Variants in RANBP2 observed in about 807,000 individuals in gnomAD.
RANBP2 encodes the protein RAN binding protein 2, also known as E3 SUMO-protein ligase RanBP2.
In RANBP2, 57 loss-of-function variants were observed where a neutral mutation model predicts 303.6. The observed-to-expected ratio is 0.19, with a 90% CI of 0.15 to 0.23. The LOEUF is 0.23. Ranked by LOEUF, RANBP2 falls within the 10% of genes least tolerant of loss-of-function variation. RANBP2 has a pLI of 1.00. For missense variants in RANBP2, 3,138 were observed against 3,780.8 expected (o/e 0.83, Z 4.46); for synonymous variants, 1,167 against 1,301.5 (o/e 0.90, Z 2.23).
At chr2:109,301,976 G>A in the RANBP2 span, among the ~76,000 whole-genome samples, 5 of 152,346 alleles carry the variant, frequency 3.3e-5, no homozygotes, top group East Asian at 5.8e-4. Flanking sequence ...TCCTGGACCT[G>A]TGCTGATTTC....
At chr2:109,615,012 G>C in the RANBP2 span, 1 of 1,545,602 alleles carries the variant, frequency 6.5e-7, no homozygotes. Flanking sequence ...GCCCAGCGAG[G>C]ACCTGGAGCT....
the RANBP2 span, among the ~76,000 whole-genome samples, chr2:109,134,212 G>A: frequency 3.3e-5 from 5 of 152,214 alleles, no homozygotes; most frequent in Non-Finnish European, 7.3e-5. Context: ...ATTTGGGCAA[G>A]TCAGAGAGCT....
chr2:108,773,011 T>C lies in RANBP2; in HGVS notation c.8257T>C (p.Phe2753Leu), dbSNP rs1249952794. Residue 2753 changes from phenylalanine (F) to leucine (L), a missense_variant, in exon 23 of 29, where the codon TTT (phenylalanine) becomes CTT (leucine). Transcript: ENST00000283195. ...TGAAGACAATGGAAATGGGGAGGAC[T>C]TTCAATCAGAGCTTCAAAAAGTTCA... ...TDEDNGNGED[F>L]QSELQKVQEA... 2 of 1,613,558 alleles carry C rather than the reference T, an allele frequency of 1.2e-6. No individual in the cohort carries two copies. Among genetic ancestry groups the C allele is most frequent in the Non-Finnish European group, 8.5e-7 (1 of 1,179,644 alleles).
the RANBP2 span, among the ~76,000 whole-genome samples, chr2:109,643,733 C>G: frequency 2.6e-5 from 4 of 151,804 alleles, no homozygotes; most frequent in African/African-American, 2.4e-5. Flanking sequence ...CCTCTGCACT[C>G]CAGCCTGGGC....
the RANBP2 span, among the ~76,000 whole-genome samples, chr2:109,671,709 A>C: frequency 1.4e-4 from 21 of 152,212 alleles, no homozygotes; most frequent in Non-Finnish European, 2.6e-4. Context: ...AAATTTCATG[A>C]ATCAGGAAGG....
At chr2:109,517,239 C>T in the RANBP2 span, among the ~76,000 whole-genome samples, 3 of 152,184 alleles carry the variant, frequency 2.0e-5, no homozygotes, top group Non-Finnish European at 2.9e-5. Context: ...CAGCATCGCC[C>T]GCCCCCTCCC....
chr2:109,690,409 G>A, the RANBP2 span, among the ~76,000 whole-genome samples: 1 of 152,176 alleles, frequency 6.6e-6, no homozygotes, highest in East Asian at 1.9e-4. Flanking sequence ...TTCCAAAGAA[G>A]GCAATCAGAT....
chr2:109,660,204 G>T, the RANBP2 span, among the ~76,000 whole-genome samples: 1 of 152,064 alleles, frequency 6.6e-6, no homozygotes, highest in Non-Finnish European at 1.5e-5. Flanking sequence ...GACTAGTTGG[G>T]CCAAGTCTTC....
At chr2:109,503,024 G>A in the RANBP2 span, 1 of 152,180 alleles carries the variant, frequency 6.6e-6, no homozygotes, top group Non-Finnish European at 1.5e-5. Flanking sequence ...CGAGAGAGGA[G>A]GAGGTGCAGC....
At chr2:109,017,469 G>A in the RANBP2 span, among the ~76,000 whole-genome samples, 2 of 152,162 alleles carry the variant, frequency 1.3e-5, no homozygotes, top group Non-Finnish European at 2.9e-5. Flanking sequence ...GCGTGGGGTC[G>A]CTCCTGCTCT....
the RANBP2 span, among the ~76,000 whole-genome samples, chr2:108,827,734 T>G: frequency 6.7e-6 from 1 of 150,168 alleles, no homozygotes; most frequent in South Asian, 2.1e-4. Flanking sequence ...GAGAATGGCA[T>G]GAACCCAGGA....
At chr2:109,688,304 CTG>C in the RANBP2 span, among the ~76,000 whole-genome samples, 5 of 152,148 alleles carry the variant, frequency 3.3e-5, no homozygotes, top group Admixed American at 3.3e-4. Context: ...GCTGTATAGA[CTG>C]GGCCTCGTTC....
chr2:109,064,479 A>C, the RANBP2 span, among the ~76,000 whole-genome samples: 346 of 140,992 alleles, frequency 2.5e-3, no homozygotes, highest in African/African-American at 6.2e-3. Flanking sequence ...AAACAAAAAC[A>C]AACTGGTAAA....
chr2:108,963,140 T>C, the RANBP2 span, among the ~76,000 whole-genome samples: 1 of 152,170 alleles, frequency 6.6e-6, no homozygotes, highest in South Asian at 2.1e-4. Flanking sequence ...CTTCAACCAC[T>C]TGACTGTGTG....
the RANBP2 span, among the ~76,000 whole-genome samples, chr2:109,612,675 A>G: frequency 6.6e-6 from 1 of 152,246 alleles, no homozygotes; most frequent in East Asian, 1.9e-4. Flanking sequence ...AAGAATTTAT[A>G]AAACACATTT....
chr2:109,490,964 G>C, the RANBP2 span: 72 of 1,427,280 alleles, frequency 5.0e-5, no homozygotes, highest in African/African-American at 9.4e-4. Context: ...TCTGCTCTGT[G>C]GCATGCTGTG....
the RANBP2 span, among the ~76,000 whole-genome samples, chr2:109,029,098 A>C: frequency 6.6e-6 from 1 of 152,032 alleles, no homozygotes; most frequent in Non-Finnish European, 1.5e-5. Context: ...GTGATTGTTT[A>C]TTTCTTTAGC....
chr2:108,873,505 G>C, the RANBP2 span: 6 of 1,609,720 alleles, frequency 3.7e-6, no homozygotes, highest in African/African-American at 8.0e-5. Context: ...TTTCGTACTT[G>C]CTCTGTGCTG....
At chr2:109,648,502 C>T in the RANBP2 span, among the ~76,000 whole-genome samples, 2 of 151,940 alleles carry the variant, frequency 1.3e-5, no homozygotes, top group Non-Finnish European at 2.9e-5. Context: ...TGTCATGATG[C>T]CCGGCTAATT....
Sources: allele counts gnomAD v4.1 joint callset (sites outside exome capture counted in the v4.1 genomes callset), GRCh38; gene constraint gnomAD v4.1.1; transcripts MANE v1.5; gene names NCBI Gene and HGNC (gene_info 2026-07-23, HGNC 2026-07-21).